CCDC144A: variants seen among roughly 807,000 people sequenced by gnomAD.
The protein encoded by CCDC144A is coiled-coil domain containing 144A, also known as coiled-coil domain-containing protein 144A.
Under a neutral mutation model 143.8 loss-of-function variants are expected in CCDC144A, and 41 were observed. The observed-to-expected ratio is 0.29, with a 90% CI of 0.22 to 0.37. The LOEUF is 0.37. Among genes scored for constraint, CCDC144A ranks in the 10% least tolerant of loss-of-function variants. The pLI, the probability that CCDC144A is intolerant of heterozygous loss-of-function variation, is 1.00. For missense variants in CCDC144A, 637 were observed against 1,488.8 expected, an observed-to-expected ratio of 0.43 and a Z score of 9.41; for synonymous variants, 242 against 517.9, an observed-to-expected ratio of 0.47 and a Z score of 7.23.
At chr17:16,758,515 A>G (rs1340091181) in intron 12 of CCDC144A, among the ~76,000 whole-genome samples, 2 of 152,242 alleles carry the variant, frequency 1.3e-5, no homozygotes, top group Non-Finnish European at 2.9e-5. Flanking sequence ...CTAAACTGCC[A>G]GAGACCCTCC....
intron 15 of CCDC144A, chr17:16,764,767 G>A (rs1329468051): frequency 6.5e-6 from 1 of 154,896 alleles, no homozygotes; most frequent in East Asian, 1.9e-4. Flanking sequence ...ACTTAATAGT[G>A]TTTTAATCCC....
chr17:16,687,945 A>G (rs1157241318), upstream of CCDC144A, among the ~76,000 whole-genome samples: 1 of 151,566 alleles, frequency 6.6e-6, no homozygotes, highest in African/African-American at 2.4e-5. Context: ...TAGTTGATAC[A>G]TCTGTGGCCT....
chr17:16,724,240 A>AT (rs1481887133), intron 8 of CCDC144A, among the ~76,000 whole-genome samples: 1 of 152,102 alleles, frequency 6.6e-6, no homozygotes, highest in East Asian at 1.9e-4. Flanking sequence ...TAATTCTTTC[A>AT]TTAAGATTGA....
intron 7 of CCDC144A, 86 bp downstream of exon 7, chr17:16,720,317 T>C (rs2143178827): frequency 6.7e-7 from 1 of 1,503,328 alleles, no homozygotes; most frequent in East Asian, 2.5e-5. Flanking sequence ...AGATGTTTTG[T>C]TGTAAGGCTG....
chr17:16,668,438 T>A, the CCDC144A span, among the ~76,000 whole-genome samples: 1 of 152,250 alleles, frequency 6.6e-6, no homozygotes, highest in African/African-American at 2.4e-5. Flanking sequence ...TATTCATTTA[T>A]GACAGGTGAG....
chr17:16,690,720 T>C lies in CCDC144A; in HGVS notation c.320T>C (p.Val107Ala), dbSNP rs1567580607. 2 of 1,608,752 alleles carry C rather than the reference T, an allele frequency of 1.2e-6. No homozygotes were observed. ...ATCTTAGCTCCTGGAGACACTGGCG[T>C]GGACAAGAGGGATAGGAAGAAGAGG... Reference protein sequence around the residue: ...EHILAPGDTGVDKRDRKKSIQ... With the variant: ...EHILAPGDTGADKRDRKKSIQ... Residue 107 changes from valine to alanine, a missense_variant, in exon 1 of 17, where the codon GTG (valine) becomes GCG (alanine). Transcript: ENST00000399273.
chr17:16,770,285 G>C (rs1240406315), intron 15 of CCDC144A, among the ~76,000 whole-genome samples: 1 of 152,104 alleles, frequency 6.6e-6, no homozygotes, highest in African/African-American at 2.4e-5. Flanking sequence ...GAGTAGCTGG[G>C]ACTACAGGCG....
intron 6 of CCDC144A, 179 bp downstream of exon 6, chr17:16,711,994 G>C: frequency 2.2e-6 from 2 of 892,118 alleles, no homozygotes; most frequent in Non-Finnish European, 3.3e-6. Context: ...GCCAGATGTA[G>C]TGGTGCATGC....
At chr17:16,746,520 T>G (rs1914528507) in intron 12 of CCDC144A, 1 of 1,613,610 alleles carries the variant, frequency 6.2e-7, no homozygotes, top group South Asian at 1.1e-5. Context: ...ACACAGTAGG[T>G]TTCTAAAAAC....
At chr17:16,713,641 A>G (rs1468477849) in intron 6 of CCDC144A, among the ~76,000 whole-genome samples, 1 of 152,180 alleles carries the variant, frequency 6.6e-6, no homozygotes. Context: ...AATGATAATC[A>G]GCTTATATAA....
chr17:16,746,880 T>TCTCTCCCTC lies in CCDC144A; in HGVS notation c.3372+11239_3372+11247dup, dbSNP rs202186987. The TCTCTCCCTC allele has an allele frequency of 9.6e-3, 6,476 of 675,170 alleles. 318 individuals carry two copies. The African/African-American group carries it at 0.11, about 11-fold the overall frequency. The allele number at this position is 675,170 out of a possible 1,614,324, so 41.8% of individuals were successfully genotyped here. A position where few individuals can be genotyped will look rare whatever the true frequency, so the allele number is the denominator to read the frequency against. On this transcript the variant is annotated intron_variant, in intron 12 of 16. Coordinates refer to ENST00000399273, the MANE Select transcript of CCDC144A (RefSeq NM_001382000.1). ...CCTCCCTCCTCTCCCTTCTCTCCCT[T>TCTCTCCCTC]CTCTCCCTCCCCTCCCTCCCCTCCC...
At chr17:16,716,603 A>C (rs186016280) in intron 6 of CCDC144A, among the ~76,000 whole-genome samples, 2 of 152,228 alleles carry the variant, frequency 1.3e-5, no homozygotes, top group Non-Finnish European at 2.9e-5. Context: ...AATGACTATA[A>C]TGACATTTAG....
the CCDC144A span, among the ~76,000 whole-genome samples, chr17:16,678,751 GTTTTTTT>G: frequency 5.1e-5 from 4 of 78,052 alleles, no homozygotes; most frequent in African/African-American, 1.9e-4. Context: ...TGGCTAATTT[GTTTTTTT>G]TTTTTTTTTT....
chr17:16,741,352 G>T (rs1053615534), intron 12 of CCDC144A, among the ~76,000 whole-genome samples: 3 of 151,900 alleles, frequency 2.0e-5, no homozygotes, highest in Admixed American at 6.6e-5. Flanking sequence ...GTTGCTGATG[G>T]TGGCTATTGG....
intron 2 of CCDC144A, among the ~76,000 whole-genome samples, chr17:16,701,030 A>G (rs1911704665): frequency 6.6e-6 from 1 of 152,192 alleles, no homozygotes; most frequent in African/African-American, 2.4e-5. Context: ...ATACAATTAA[A>G]ATTAATTGCT....
chr17:16,715,068 A>C (rs2143151821), intron 6 of CCDC144A, among the ~76,000 whole-genome samples: 1 of 151,858 alleles, frequency 6.6e-6, no homozygotes, highest in East Asian at 1.9e-4. Context: ...AATTCCCACT[A>C]TCCCTCCTCT....
intron 14 of CCDC144A, 62 bp from the exon 15 acceptor site, chr17:16,763,903 C>T (rs1915484222): frequency 2.6e-6 from 4 of 1,529,684 alleles, no homozygotes; most frequent in Admixed American, 4.5e-5. Context: ...CAATCGAAGT[C>T]ATTTAGGAAT....
chr17:16,677,207 C>T, the CCDC144A span, among the ~76,000 whole-genome samples: 2 of 152,118 alleles, frequency 1.3e-5, no homozygotes, highest in South Asian at 2.1e-4. Flanking sequence ...TAGTCCAGAT[C>T]CCAAGCCCTC....
intron 12 of CCDC144A, among the ~76,000 whole-genome samples, chr17:16,751,450 A>G (rs973990932): frequency 1.8e-4 from 28 of 152,206 alleles, no homozygotes; most frequent in African/African-American, 6.0e-4. Context: ...CCTCTTTTCT[A>G]TTTCAGCGTG....
Sources: gnomAD v4.1 joint callset for allele counts (sites outside exome capture counted in the v4.1 genomes callset) on GRCh38, gnomAD v4.1.1 for gene constraint, MANE v1.5 for transcripts, NCBI Gene and HGNC (gene_info 2026-07-23, HGNC 2026-07-21) for gene names.